Variants in SPPL2A observed in about 807,000 individuals in gnomAD.
SPPL2A encodes the protein signal peptide peptidase-like 2A.
SPPL2A carries 51 observed loss-of-function variants against 63.8 expected under a neutral mutation model. The ratio of observed to expected loss-of-function variants is 0.80; its 90% CI spans 0.64 to 1.01. SPPL2A has a LOEUF of 1.01. SPPL2A is among the 50% of genes least tolerant of loss of function. The pLI, the probability that SPPL2A is intolerant of heterozygous loss-of-function variation, is 0.00. For synonymous variants in SPPL2A, 188 were observed against 205.8 expected, an observed-to-expected ratio of 0.91 and a Z score of 0.74; for missense variants, 553 against 622.7, an observed-to-expected ratio of 0.89 and a Z score of 1.19.
intron 12 of SPPL2A, among the ~76,000 whole-genome samples, chr15:50,724,355 T>C (rs1044494092): frequency 2.0e-5 from 3 of 152,094 alleles, no homozygotes; most frequent in African/African-American, 7.2e-5. Context: ...AGCGGGCAGA[T>C]CACAAGGTCA....
At chr15:50,719,528 A>G (rs1370749262) in intron 14 of SPPL2A, among the ~76,000 whole-genome samples, 1 of 152,228 alleles carries the variant, frequency 6.6e-6, no homozygotes, top group Admixed American at 6.5e-5. Context: ...TACAGGCGTG[A>G]GCCACCGTGC....
Position 50,744,458 on chromosome 15 carries a change from A to G in SPPL2A, c.584+3037T>C, listed in dbSNP as rs10163189. Among the ~76,000 whole-genome samples, 902 of 152,290 alleles carry G rather than the reference A, an allele frequency of 5.9e-3. 15 individuals carry two copies. Among genetic ancestry groups the G allele is most frequent in the African/African-American group, 0.021 (869 of 41,566 alleles). On this transcript the variant is annotated intron_variant, in intron 5 of 14. Coordinates refer to ENST00000261854, the MANE Select transcript of SPPL2A (RefSeq NM_032802.4). ...CTATAGATCAATTCACAAGGCAAATATATTTTGCCCTTCATACATGAAATA... is the reference window on the plus strand; with the variant it reads ...CTATAGATCAATTCACAAGGCAAATGTATTTTGCCCTTCATACATGAAATA...
chr15:50,722,134 C>T lies in SPPL2A; in HGVS notation c.1317G>A (p.Ser439=), dbSNP rs780968695. 67 of 1,568,082 alleles carry T rather than the reference C, an allele frequency of 4.3e-5. No individual in the cohort carries two copies. Among genetic ancestry groups the T allele is most frequent in the East Asian group, 2.7e-4 (12 of 44,660 alleles). The change falls in exon 13 of 15, where the codon TCG becomes TCA. Residue 439 remains serine (S), a synonymous_variant. Transcript: ENST00000261854. The part of the protein sequence containing the change: ...QTGSSYIYYV[S]STVAYAIGMI... ...AAAACAAAAATTTACCAACTGTAGACGAAACATAGTATATGTAAGAAGAAC... is the reference window on the plus strand; with the variant it reads ...AAAACAAAAATTTACCAACTGTAGATGAAACATAGTATATGTAAGAAGAAC...
intron 13 of SPPL2A, among the ~76,000 whole-genome samples, chr15:50,721,257 C>T (rs1352149575): frequency 2.6e-5 from 4 of 152,144 alleles, no homozygotes; most frequent in African/African-American, 4.8e-5. Flanking sequence ...TGGTCTCAAA[C>T]GCCTGACCTC....
intron 1 of SPPL2A, among the ~76,000 whole-genome samples, chr15:50,757,869 A>G (rs1267597219): frequency 6.6e-6 from 1 of 151,772 alleles, no homozygotes; most frequent in Non-Finnish European, 1.5e-5. Context: ...CTATAATCCC[A>G]GCTACTCGGG....
At chr15:50,716,908 A>G (rs2062603144) in intron 14 of SPPL2A, among the ~76,000 whole-genome samples, 1 of 151,936 alleles carries the variant, frequency 6.6e-6, no homozygotes, top group African/African-American at 2.4e-5. Flanking sequence ...ACTGCCTATT[A>G]TTTCTCTCTT....
intron 1 of SPPL2A, among the ~76,000 whole-genome samples, chr15:50,751,733 T>C (rs2062908114): frequency 6.6e-6 from 1 of 152,216 alleles, no homozygotes; most frequent in African/African-American, 2.4e-5. Context: ...TAAATTTAAT[T>C]TCCCATATCA....
intron 1 of SPPL2A, among the ~76,000 whole-genome samples, chr15:50,755,317 CA>C (rs112405405): frequency 0.089 from 10,614 of 119,472 alleles, 1,181 homozygotes; most frequent in African/African-American, 0.29. Flanking sequence ...GACTCTGTCT[CA>C]AAAAAAAAAA....
Position 50,725,329 on chromosome 15 carries a change from CA to C in SPPL2A, c.1147-7del. 7.0e-7 allele frequency: 1 copy of C among 1,430,504 alleles called. No homozygotes were observed. The highest frequency in any genetic ancestry group is 9.6e-7 in the Non-Finnish European group (1 of 1,045,268). 88.6% of individuals were successfully genotyped at this position (1,430,504 alleles called of 1,614,324 possible). On this transcript the variant is annotated splice_polypyrimidine_tract_variant and splice_region_variant and intron_variant, in intron 11 of 14. Transcript: ENST00000261854. ...ACTCTGATGACTACTGGCAACTGTT[CA>C]AAAACAAAACAAAACAAAACAAAAC...
chr15:50,765,405 C>T, intron 1 of SPPL2A, 63 bp downstream of exon 1: 2 of 1,352,580 alleles, frequency 1.5e-6, no homozygotes, highest in East Asian at 3.0e-5. Flanking sequence ...GGAAGGGAGC[C>T]CCGGCCTTGG....
chr15:50,760,594 T>G (rs780727045), intron 1 of SPPL2A, among the ~76,000 whole-genome samples: 7 of 152,136 alleles, frequency 4.6e-5, no homozygotes, highest in Non-Finnish European at 8.8e-5. Flanking sequence ...AATCCTATCA[T>G]GAGGGTCCCG....
At chr15:50,747,729 T>C in intron 4 of SPPL2A, 101 bp from the exon 5 acceptor site, 1 of 798,910 alleles carries the variant, frequency 1.3e-6, no homozygotes, top group Non-Finnish European at 2.1e-6. Flanking sequence ...ACATTATACA[T>C]CAGACAGTCA....
Position 50,748,093 on chromosome 15 carries a change from A to G in SPPL2A, c.450+20T>C. Reference sequence around the variant, plus strand: ...ATACAGTATTTATAAACTTTATCTAATATGTAATTGCTAATTTACCTGGTT... The same window carrying G: ...ATACAGTATTTATAAACTTTATCTAGTATGTAATTGCTAATTTACCTGGTT... On this transcript the variant is annotated intron_variant, in intron 4 of 14. Transcript: ENST00000261854. 1.0e-6 allele frequency: 1 copy of G among 978,876 alleles called. No homozygotes were observed. Among genetic ancestry groups the G allele is most frequent in the Non-Finnish European group, 1.5e-6 (1 of 679,854 alleles). 60.6% of individuals were successfully genotyped at this position (978,876 alleles called of 1,614,324 possible).
At chr15:50,746,272 T>C (rs1401024560) in intron 5 of SPPL2A, among the ~76,000 whole-genome samples, 1 of 151,398 alleles carries the variant, frequency 6.6e-6, no homozygotes, top group Non-Finnish European at 1.5e-5. Context: ...ACCCCATCTC[T>C]ACTAAAAATA....
chr15:50,731,307 G>A (rs1333766866), intron 9 of SPPL2A, among the ~76,000 whole-genome samples: 1 of 152,174 alleles, frequency 6.6e-6, no homozygotes, highest in Non-Finnish European at 1.5e-5. Context: ...AGCACTTTGG[G>A]AGACTGAGGC....
intron 1 of SPPL2A, among the ~76,000 whole-genome samples, chr15:50,761,048 C>T (rs12909429): frequency 0.25 from 37,961 of 151,886 alleles, 5,709 homozygotes; most frequent in East Asian, 0.55. Flanking sequence ...TCTTCTCTGT[C>T]ACCCAGGCTG....
At chr15:50,729,141 T>G (rs1477069896) in intron 10 of SPPL2A, among the ~76,000 whole-genome samples, 2 of 152,022 alleles carry the variant, frequency 1.3e-5, no homozygotes, top group Non-Finnish European at 2.9e-5. Context: ...TTAGTAGAGA[T>G]ACAGTTTTAC....
intron 8 of SPPL2A, among the ~76,000 whole-genome samples, chr15:50,734,108 A>G (rs547322279): frequency 1.3e-5 from 2 of 152,204 alleles, no homozygotes; most frequent in Non-Finnish European, 2.9e-5. Flanking sequence ...AACTAAAAAC[A>G]GAATTACCAT....
intron 14 of SPPL2A, among the ~76,000 whole-genome samples, chr15:50,716,412 C>G (rs1017867766): frequency 1.3e-5 from 2 of 152,162 alleles, no homozygotes; most frequent in Non-Finnish European, 2.9e-5. Flanking sequence ...CCAGGCTGGT[C>G]TCAAACTCCT....
Sources: gnomAD v4.1 joint callset for allele counts (sites outside exome capture counted in the v4.1 genomes callset) on GRCh38, gnomAD v4.1.1 for gene constraint, MANE v1.5 for transcripts, NCBI Gene and HGNC (gene_info 2026-07-23, HGNC 2026-07-21) for gene names.